Variants in HHAT observed in about 807,000 individuals in gnomAD.
HHAT encodes hedgehog acyltransferase.
A neutral mutation model predicts 70.8 loss-of-function variants in HHAT; 47 were observed. The ratio of observed to expected loss-of-function variants is 0.66; its 90% CI spans 0.53 to 0.85. The LOEUF (loss-of-function observed/expected upper bound fraction) is 0.85, where lower values mean the gene tolerates loss of function less well. HHAT is among the 40% of genes least tolerant of loss of function. The pLI, the probability that HHAT is intolerant of heterozygous loss-of-function variation, is 0.00. For missense variants in HHAT, 609 were observed against 604.8 expected (o/e 1.01, Z -0.07); for synonymous variants, 228 against 247.6 (o/e 0.92, Z 0.74).
At chr1:210,442,816 A>T (rs1025907406) in intron 7 of HHAT, among the ~76,000 whole-genome samples, 95 of 152,202 alleles carry the variant, frequency 6.2e-4, no homozygotes, top group Non-Finnish European at 1.2e-3. Flanking sequence ...GTTCACTCTG[A>T]TGGTAGTTTC....
intron 8 of HHAT, among the ~76,000 whole-genome samples, chr1:210,472,579 G>T (rs1400530690): frequency 6.6e-6 from 1 of 152,198 alleles, no homozygotes; most frequent in Non-Finnish European, 1.5e-5. Context: ...AAGGGAAATG[G>T]TTCAGGGAGT....
At chr1:210,366,634 TCAAAAAC>T (rs1297476213) in intron 3 of HHAT, among the ~76,000 whole-genome samples, 12 of 152,030 alleles carry the variant, frequency 7.9e-5, no homozygotes, top group Non-Finnish European at 1.8e-4. Flanking sequence ...AAAAATAAAA[TCAAAAAC>T]AAGAAACAAT....
At chr1:210,530,083 C>G (rs1267145072) in intron 9 of HHAT, among the ~76,000 whole-genome samples, 1 of 152,112 alleles carries the variant, frequency 6.6e-6, no homozygotes, top group Non-Finnish European at 1.5e-5. Context: ...GCTGCCAGTT[C>G]AAATGTTTCT....
intron 9 of HHAT, among the ~76,000 whole-genome samples, chr1:210,578,790 GA>G (rs1354178173): frequency 6.6e-6 from 1 of 152,136 alleles, no homozygotes; most frequent in Admixed American, 6.5e-5. Flanking sequence ...GCCCATAACA[GA>G]AAGAGAAATA....
upstream of HHAT, chr1:210,328,520 C>T (rs2084704987): frequency 1.3e-5 from 2 of 153,548 alleles, no homozygotes; most frequent in South Asian, 4.1e-4. Flanking sequence ...CACAGTAAGC[C>T]CTCGAAGCTG....
chr1:210,372,207 A>C (rs1182149488), intron 3 of HHAT, among the ~76,000 whole-genome samples: 2 of 152,148 alleles, frequency 1.3e-5, no homozygotes, highest in African/African-American at 4.8e-5. Context: ...CATTTAACAA[A>C]GTGTTTTCCA....
chr1:210,340,421 C>T (rs550917953), intron 1 of HHAT, among the ~76,000 whole-genome samples: 71 of 152,096 alleles, frequency 4.7e-4, no homozygotes, highest in Middle Eastern at 3.4e-3. Flanking sequence ...CCACTTTTTC[C>T]GAATATGCTA....
chr1:210,417,557 TG>T (rs1404859198), intron 6 of HHAT, among the ~76,000 whole-genome samples: 1 of 152,204 alleles, frequency 6.6e-6, no homozygotes, highest in Non-Finnish European at 1.5e-5. Flanking sequence ...TTCTAAAGTC[TG>T]TATTCTTAAC....
intron 9 of HHAT, among the ~76,000 whole-genome samples, chr1:210,579,350 T>TG (rs199957908): frequency 0.029 from 4,408 of 151,450 alleles, 110 homozygotes; most frequent in Non-Finnish European, 0.047. Context: ...GTGCCGGGGG[T>TG]GAGAGGAAGG....
chr1:210,662,773 TG>T (rs2148964179), intron 11 of HHAT, among the ~76,000 whole-genome samples: 1 of 152,218 alleles, frequency 6.6e-6, no homozygotes, highest in Admixed American at 6.5e-5. Flanking sequence ...TTTTACTTCA[TG>T]GAAGTGAGTG....
At chr1:210,380,519 G>T (rs932658550) in intron 3 of HHAT, among the ~76,000 whole-genome samples, 1 of 152,012 alleles carries the variant, frequency 6.6e-6, no homozygotes, top group Non-Finnish European at 1.5e-5. Context: ...CAGCCTGGGC[G>T]ACAGAGCAAG....
chr1:210,409,997 A>C (rs2092470908), intron 6 of HHAT, among the ~76,000 whole-genome samples: 1 of 152,116 alleles, frequency 6.6e-6, no homozygotes, highest in South Asian at 2.1e-4. Context: ...CCTGCACATT[A>C]GATGAGCTAT....
intron 8 of HHAT, among the ~76,000 whole-genome samples, chr1:210,507,287 T>C (rs2094873535): frequency 6.6e-6 from 1 of 152,178 alleles, no homozygotes; most frequent in Non-Finnish European, 1.5e-5. Flanking sequence ...TGTGTATTCT[T>C]TTCCTACTGT....
At chr1:210,540,523 GCTCT>G (rs3067934) in intron 9 of HHAT, among the ~76,000 whole-genome samples, 28,833 of 147,382 alleles carry the variant, frequency 0.2, 3,337 homozygotes, top group Middle Eastern at 0.3. Context: ...ACAAACACAC[GCTCT>G]CTCTCTCTCT....
chr1:210,447,319 A>C (rs535130401), intron 7 of HHAT, among the ~76,000 whole-genome samples: 1 of 152,218 alleles, frequency 6.6e-6, no homozygotes, highest in Admixed American at 6.5e-5. Flanking sequence ...GTTTATTACA[A>C]GTAATTACAG....
chr1:210,447,638 A>T (rs2093662421), intron 7 of HHAT, among the ~76,000 whole-genome samples: 1 of 152,218 alleles, frequency 6.6e-6, no homozygotes, highest in South Asian at 2.1e-4. Flanking sequence ...AGGTGGCAGA[A>T]TATCCCTGTG....
chr1:210,429,655 G>A (rs1180640391), intron 7 of HHAT, among the ~76,000 whole-genome samples: 1 of 151,544 alleles, frequency 6.6e-6, no homozygotes. Flanking sequence ...GTATCTGTGG[G>A]ATGCGTATAA....
intron 7 of HHAT, among the ~76,000 whole-genome samples, chr1:210,428,349 T>G (rs2093140437): frequency 7.4e-6 from 1 of 134,976 alleles, no homozygotes; most frequent in Non-Finnish European, 1.6e-5. Flanking sequence ...TATATATAAT[T>G]TTGTAGTCTA....
rs529117609 is a variant in HHAT, at chr1:210,617,648, C to T, written c.1246-5878C>T. ...TACTCTGAAATTCTTGCATGTACTGCATGGATTTAAATGCTAAACTTTGGC... is the reference window on the plus strand; with the variant it reads ...TACTCTGAAATTCTTGCATGTACTGTATGGATTTAAATGCTAAACTTTGGC... On this transcript the variant is annotated intron_variant, in intron 10 of 11. Coordinates refer to ENST00000261458, the MANE Select transcript of HHAT (RefSeq NM_018194.6). Among the ~76,000 whole-genome samples the T allele has an allele frequency of 2.1e-3, 323 of 152,342 alleles. 3 individuals carry two copies. The highest frequency in any genetic ancestry group is 3.7e-3 in the Non-Finnish European group (250 of 68,026).
Sources: gnomAD v4.1 joint callset for allele counts (sites outside exome capture counted in the v4.1 genomes callset) on GRCh38, gnomAD v4.1.1 for gene constraint, MANE v1.5 for transcripts, NCBI Gene and HGNC (gene_info 2026-07-23, HGNC 2026-07-21) for gene names.